The following HNRNPC variants were observed in gnomAD, a reference collection of about 807,000 sequenced individuals.
HNRNPC encodes heterogeneous nuclear ribonucleoprotein C.
Under a neutral mutation model 33.2 loss-of-function variants are expected in HNRNPC, and 3 were observed. The observed-to-expected ratio is 0.09, with a 90% CI of 0.04 to 0.23. HNRNPC has a LOEUF of 0.23. HNRNPC is among the 10% of genes least tolerant of loss of function. The pLI is 1.00. For synonymous variants in HNRNPC, 121 were observed against 126.7 expected (o/e 0.96, Z 0.30); for missense variants, 143 against 366.7 (o/e 0.39, Z 4.98).
At chr14:21,261,278 T>A (rs981113312) in intron 2 of HNRNPC, among the ~76,000 whole-genome samples, 3 of 152,140 alleles carry the variant, frequency 2.0e-5, no homozygotes, top group African/African-American at 7.2e-5. Flanking sequence ...ACATGTCCCA[T>A]AAAAATAATA....
intron 2 of HNRNPC, among the ~76,000 whole-genome samples, chr14:21,254,122 C>T (rs1473412408): frequency 1.3e-5 from 2 of 150,468 alleles, no homozygotes; most frequent in African/African-American, 2.4e-5. Context: ...GATGTGCATA[C>T]CCTTGAATAA....
chr14:21,258,594 G>T (rs1365938608), intron 2 of HNRNPC, among the ~76,000 whole-genome samples: 1 of 151,796 alleles, frequency 6.6e-6, no homozygotes, highest in African/African-American at 2.4e-5. Flanking sequence ...TCAAGGTTTT[G>T]ATGATGATTA....
intron 2 of HNRNPC, among the ~76,000 whole-genome samples, chr14:21,245,676 TA>T (rs1566629440): frequency 6.6e-6 from 1 of 152,142 alleles, no homozygotes; most frequent in Non-Finnish European, 1.5e-5. Flanking sequence ...AAGGCTACAG[TA>T]AGTTTGTAAA....
intron 5 of HNRNPC, among the ~76,000 whole-genome samples, chr14:21,213,861 C>T (rs1206134896): frequency 6.6e-6 from 1 of 152,228 alleles, no homozygotes; most frequent in Middle Eastern, 3.2e-3. Flanking sequence ...GGCCAGTACA[C>T]ACTTAGCACT....
At chr14:21,212,849 C>G in intron 6 of HNRNPC, 111 bp downstream of exon 6, 1 of 1,366,818 alleles carries the variant, frequency 7.3e-7, no homozygotes. Flanking sequence ...CCAGCCTCTT[C>G]CATTATTTTG....
At chr14:21,267,122 A>AAAAAAC (rs1879148708) in intron 1 of HNRNPC, among the ~76,000 whole-genome samples, 4 of 133,374 alleles carry the variant, frequency 3.0e-5, no homozygotes, top group Admixed American at 2.3e-4. Flanking sequence ...AAAAAAAAAA[A>AAAAAAC]AAAAACAAAA....
At chr14:21,218,800 G>A (rs1045675705) in intron 5 of HNRNPC, among the ~76,000 whole-genome samples, 3 of 146,092 alleles carry the variant, frequency 2.1e-5, no homozygotes, top group Admixed American at 7.0e-5. Context: ...AAGAGTTCAA[G>A]ACCAGCCTGT....
In HNRNPC at chr14:21,234,215, T is replaced by C. The variant is rs542150570; in HGVS notation, c.-22A>G. On this transcript the variant is annotated 5_prime_UTR_variant, in exon 3 of 9. Transcript: ENST00000553300. Reference sequence around the variant, plus strand: ...CCATCGTGTTTGATGGTAAGGTTTCTCACAAAGCCGAAAACTGTAAAGCAA... The same window carrying C: ...CCATCGTGTTTGATGGTAAGGTTTCCCACAAAGCCGAAAACTGTAAAGCAA... 13 of 1,610,536 alleles carry C rather than the reference T, an allele frequency of 8.1e-6. 1 individual carries two copies. The South Asian group carries it at 9.9e-5, about 12-fold the overall frequency.
At chr14:21,248,968 C>T (rs995797444) in intron 2 of HNRNPC, among the ~76,000 whole-genome samples, 1 of 152,164 alleles carries the variant, frequency 6.6e-6, no homozygotes, top group Non-Finnish European at 1.5e-5. Context: ...CAATGGAATG[C>T]AATTTAAATG....
intron 5 of HNRNPC, among the ~76,000 whole-genome samples, chr14:21,218,691 A>AAG (rs1892489586): frequency 6.8e-6 from 1 of 147,026 alleles, no homozygotes; most frequent in Admixed American, 6.7e-5. Context: ...CAAAAAAAAA[A>AAG]AAAAAAAAAA....
chr14:21,257,544 C>T (rs758473891), intron 2 of HNRNPC, among the ~76,000 whole-genome samples: 1 of 150,624 alleles, frequency 6.6e-6, no homozygotes, highest in African/African-American at 2.5e-5. Context: ...AAGTTCACTT[C>T]GGTTTTATAA....
intron 2 of HNRNPC, among the ~76,000 whole-genome samples, chr14:21,248,112 G>A (rs1896206736): frequency 6.6e-6 from 1 of 152,090 alleles, no homozygotes; most frequent in Non-Finnish European, 1.5e-5. Flanking sequence ...GCTGAGGTGG[G>A]AGATTGCTTG....
chr14:21,237,657 G>T (rs914934840), intron 2 of HNRNPC, among the ~76,000 whole-genome samples: 1 of 152,212 alleles, frequency 6.6e-6, no homozygotes, highest in South Asian at 2.1e-4. Flanking sequence ...ATGTTACGCA[G>T]ACTGTTGTTA....
chr14:21,238,190 A>C (rs1894936033), intron 2 of HNRNPC, among the ~76,000 whole-genome samples: 1 of 152,210 alleles, frequency 6.6e-6, no homozygotes, highest in South Asian at 2.1e-4. Context: ...ACTTGGTCAT[A>C]TTCTATATGA....
At chr14:21,261,545 A>C (rs1363177168) in intron 2 of HNRNPC, among the ~76,000 whole-genome samples, 1 of 152,144 alleles carries the variant, frequency 6.6e-6, no homozygotes, top group South Asian at 2.1e-4. Context: ...CGAGTATGGT[A>C]TAAGGGGGCA....
intron 2 of HNRNPC, among the ~76,000 whole-genome samples, chr14:21,236,941 G>T (rs1894758301): frequency 6.6e-6 from 1 of 152,158 alleles, no homozygotes; most frequent in Non-Finnish European, 1.5e-5. Flanking sequence ...CACTGACTGT[G>T]GGAGAAATAA....
At chr14:21,215,941 AAAAAG>A (rs938785509) in intron 5 of HNRNPC, among the ~76,000 whole-genome samples, 2 of 136,424 alleles carry the variant, frequency 1.5e-5, no homozygotes, top group East Asian at 2.0e-4. Flanking sequence ...AAAGGAAAAG[AAAAAG>A]AAAAAAAAAA....
intron 2 of HNRNPC, among the ~76,000 whole-genome samples, chr14:21,243,111 G>A (rs185447912): frequency 6.6e-6 from 1 of 151,884 alleles, no homozygotes; most frequent in Admixed American, 6.6e-5. Context: ...AAGGAGAGGT[G>A]GGGGGGTGGG....
chr14:21,218,681 C>CAAAAAAAAAAAAAAAAA (rs71112557), intron 5 of HNRNPC, among the ~76,000 whole-genome samples: 2 of 51,254 alleles, frequency 3.9e-5, no homozygotes, highest in African/African-American at 1.0e-4. Context: ...AACTCTCTCT[C>CAAAAAAAAAAAAAAAAA]AAAAAAAAAA....
Sources: allele counts gnomAD v4.1 joint callset (sites outside exome capture counted in the v4.1 genomes callset), GRCh38; gene constraint gnomAD v4.1.1; transcripts MANE v1.5; gene names NCBI Gene and HGNC (gene_info 2026-07-23, HGNC 2026-07-21).